The following GPC6 variants were observed in gnomAD, a reference collection of about 807,000 sequenced individuals.
The protein encoded by GPC6 is glypican-6.
Under a neutral mutation model 55.2 loss-of-function variants are expected in GPC6, and 14 were observed. The ratio of observed to expected loss-of-function variants is 0.25; its 90% CI spans 0.17 to 0.40. The LOEUF is 0.40. Among genes scored for constraint, GPC6 ranks in the 10% least tolerant of loss-of-function variants. The probability of loss-of-function intolerance (pLI) is 1.00; values close to 1 mark genes in which losing one functional copy is unlikely to be tolerated. For missense variants in GPC6, 641 were observed against 708.5 expected (o/e 0.90, Z 1.08); for synonymous variants, 278 against 259.6 (o/e 1.07, Z -0.68).
At chr13:94,258,887 A>G (rs982527940) in intron 4 of GPC6, among the ~76,000 whole-genome samples, 4 of 152,162 alleles carry the variant, frequency 2.6e-5, no homozygotes, top group Non-Finnish European at 5.9e-5. Flanking sequence ...TGCCTGCAAA[A>G]TGATTGTTGC....
chr13:94,242,123 G>C lies in GPC6; in HGVS notation c.878-44226G>C, dbSNP rs138995865. On this transcript the variant is annotated intron_variant, in intron 4 of 8. Coordinates refer to ENST00000377047, the MANE Select transcript of GPC6 (RefSeq NM_005708.5). ...GTGATGTTCCCCTTCCTGTGTCCAAGTGTTCTCATTATTCAATCCCCACCT... is the reference window on the plus strand; with the variant it reads ...GTGATGTTCCCCTTCCTGTGTCCAACTGTTCTCATTATTCAATCCCCACCT... 7.7e-3 allele frequency among the ~76,000 whole-genome samples: 1,174 copies of C among 151,548 alleles called. 15 individuals carry two copies. Among genetic ancestry groups the C allele is most frequent in the African/African-American group, 0.025 (1,043 of 41,290 alleles).
intron 1 of GPC6, among the ~76,000 whole-genome samples, chr13:93,409,576 C>T (rs1876421207): frequency 6.6e-6 from 1 of 152,150 alleles, no homozygotes; most frequent in Non-Finnish European, 1.5e-5. Context: ...AAGAACTCTT[C>T]CCCTCTTAGC....
At chr13:93,446,896 A>T (rs1349930654) in intron 1 of GPC6, among the ~76,000 whole-genome samples, 3 of 152,120 alleles carry the variant, frequency 2.0e-5, no homozygotes, top group Admixed American at 2.0e-4. Flanking sequence ...ATTTATGAAA[A>T]TAAAAAAAGA....
At chr13:94,338,103 C>T (rs1458208970) in intron 6 of GPC6, among the ~76,000 whole-genome samples, 1 of 152,218 alleles carries the variant, frequency 6.6e-6, no homozygotes, top group African/African-American at 2.4e-5. Context: ...TCTTCCTTAG[C>T]AACAATCGTT....
At position 93,598,308 on chromosome 13, in the gene GPC6, T is replaced by A. The variant is rs146063098; in HGVS notation, c.319+52887T>A. ...GTTTCTGTGCATATCATGATGTCTC[T>A]GTTATGAATACTTAGGATGTGTCCT... On this transcript the variant is annotated intron_variant, in intron 2 of 8. Coordinates refer to ENST00000377047, the MANE Select transcript of GPC6 (RefSeq NM_005708.5). Among the ~76,000 whole-genome samples the A allele has an allele frequency of 3.3e-3, 507 of 152,342 alleles. 3 individuals carry two copies. The highest frequency in any genetic ancestry group is 0.012 in the African/African-American group (489 of 41,582).
intron 5 of GPC6, among the ~76,000 whole-genome samples, chr13:94,292,732 C>A (rs941109043): frequency 5.3e-5 from 8 of 152,118 alleles, no homozygotes; most frequent in African/African-American, 1.9e-4. Flanking sequence ...GAAGGAATAG[C>A]TAATCTTTTC....
intron 2 of GPC6, among the ~76,000 whole-genome samples, chr13:93,612,222 G>C (rs1372038405): frequency 6.6e-6 from 1 of 152,140 alleles, no homozygotes; most frequent in South Asian, 2.1e-4. Flanking sequence ...ATGTTAGGCT[G>C]GGCGCGGTGG....
At chr13:93,849,417 G>GT (rs1379376303) in intron 3 of GPC6, among the ~76,000 whole-genome samples, 1 of 151,990 alleles carries the variant, frequency 6.6e-6, no homozygotes, top group African/African-American at 2.4e-5. Flanking sequence ...TTCTTTTTAG[G>GT]TTTTTTGGAA....
At position 94,030,242 on chromosome 13, in the gene GPC6, C is replaced by T. The variant is rs953912032; in HGVS notation, c.877+2348C>T. ...GCCAGGATGGTCTCGATTTCCTGAC[C>T]TCGTGATCTGCCCGCCTCGGCCTCC... On this transcript the variant is annotated intron_variant, in intron 4 of 8. Transcript: ENST00000377047. 2.0e-5 allele frequency among the ~76,000 whole-genome samples: 3 copies of T among 152,184 alleles called. No individual in the cohort carries two copies. The South Asian group carries it at 6.2e-4, about 32-fold the overall frequency.
chr13:94,036,724 G>C (rs1424325710), intron 4 of GPC6, among the ~76,000 whole-genome samples: 1 of 151,982 alleles, frequency 6.6e-6, no homozygotes, highest in Non-Finnish European at 1.5e-5. Context: ...TCCCGGCAGT[G>C]ACCCTCTCCT....
intron 2 of GPC6, among the ~76,000 whole-genome samples, chr13:93,569,296 C>T (rs535141238): frequency 6.6e-6 from 1 of 152,186 alleles, no homozygotes; most frequent in South Asian, 2.1e-4. Flanking sequence ...TTGTCTGATT[C>T]GTAAGTCATT....
intron 4 of GPC6, among the ~76,000 whole-genome samples, chr13:94,268,735 C>T (rs1476161999): frequency 6.6e-6 from 1 of 152,100 alleles, no homozygotes; most frequent in Non-Finnish European, 1.5e-5. Flanking sequence ...GGAAATCTTT[C>T]AGAAGAACAT....
intron 4 of GPC6, among the ~76,000 whole-genome samples, chr13:94,196,619 T>G (rs556509283): frequency 1.3e-5 from 2 of 152,256 alleles, no homozygotes; most frequent in South Asian, 4.1e-4. Flanking sequence ...GCTGTTTGAG[T>G]TGAAACTAAC....
intron 1 of GPC6, among the ~76,000 whole-genome samples, chr13:93,374,822 A>G (rs1484016757): frequency 1.3e-5 from 2 of 152,194 alleles, no homozygotes; most frequent in East Asian, 1.9e-4. Context: ...TTGGTATATG[A>G]AGCTGAAGAT....
chr13:93,662,989 A>C (rs1197242379), intron 2 of GPC6, among the ~76,000 whole-genome samples: 1 of 151,666 alleles, frequency 6.6e-6, no homozygotes, highest in Non-Finnish European at 1.5e-5. Context: ...TACAGCCAGG[A>C]TTGCGAATCA....
chr13:94,401,080 C>G (rs1166275776), intron 8 of GPC6, among the ~76,000 whole-genome samples: 1 of 152,184 alleles, frequency 6.6e-6, no homozygotes, highest in Non-Finnish European at 1.5e-5. Flanking sequence ...TTCACACACT[C>G]TCTCCAAGGT....
chr13:94,349,479 G>A (rs1878432847), intron 6 of GPC6, among the ~76,000 whole-genome samples: 1 of 152,106 alleles, frequency 6.6e-6, no homozygotes, highest in Non-Finnish European at 1.5e-5. Context: ...AAAGATAGAT[G>A]GATCCACATT....
intron 4 of GPC6, among the ~76,000 whole-genome samples, chr13:94,146,385 A>T (rs1887563958): frequency 1.3e-5 from 2 of 152,182 alleles, no homozygotes; most frequent in African/African-American, 4.8e-5. Context: ...TCACCAATCA[A>T]GTATTTATCT....
At chr13:93,445,585 G>C (rs571250002) in intron 1 of GPC6, among the ~76,000 whole-genome samples, 10 of 152,278 alleles carry the variant, frequency 6.6e-5, no homozygotes, top group African/African-American at 2.4e-4. Flanking sequence ...GCAATCTGCA[G>C]AGCAAATTAT....
Sources: allele counts gnomAD v4.1 joint callset (sites outside exome capture counted in the v4.1 genomes callset), GRCh38; gene constraint gnomAD v4.1.1; transcripts MANE v1.5; gene names NCBI Gene and HGNC (gene_info 2026-07-23, HGNC 2026-07-21).